The following NAT1 variants were observed in gnomAD, a reference collection of about 807,000 sequenced individuals.
NAT1 encodes N-acetyltransferase 1.
For missense variants in NAT1, 400 were observed against 339.2 expected, an observed-to-expected ratio of 1.18 and a Z score of -1.41; for synonymous variants, 144 against 122.6, an observed-to-expected ratio of 1.17 and a Z score of -1.16.
At chr8:18,173,156 A>G (rs1802161335) in intron 2 of NAT1, among the ~76,000 whole-genome samples, 1 of 151,706 alleles carries the variant, frequency 6.6e-6, no homozygotes, top group African/African-American at 2.4e-5. Flanking sequence ...GCACACACAC[A>G]CACACACACA....
In NAT1 at chr8:18,219,435, A is replaced by G. The variant is rs186784764; in HGVS notation, c.-61A>G. 19 of 1,550,324 alleles carry G rather than the reference A, an allele frequency of 1.2e-5. No homozygotes were observed. The Admixed American group carries it at 3.1e-4, about 26-fold the overall frequency. On this transcript the variant is annotated 5_prime_UTR_variant, in exon 2 of 3. Transcript: ENST00000307719. ...GAATTCAAGCCAGGAAGAAGCAGCA[A>G]TCTGTCTTCTGGATTAAAACTGAAG...
chr8:18,194,823 A>C (rs889322496), intron 2 of NAT1, among the ~76,000 whole-genome samples: 2 of 151,878 alleles, frequency 1.3e-5, no homozygotes, highest in East Asian at 3.9e-4. Context: ...TGTCTTAAAA[A>C]AAAAAAAAAA....
intron 2 of NAT1, among the ~76,000 whole-genome samples, chr8:18,204,163 T>TTC (rs111268683): frequency 0.11 from 17,063 of 148,636 alleles, 2,474 homozygotes; most frequent in African/African-American, 0.35. Flanking sequence ...TTGGATGTCT[T>TTC]TCTCTCTCTC....
Position 18,222,304 on chromosome 8 carries a change from C to A in NAT1, c.257C>A (p.Thr86Asn). Reference protein sequence around the residue: ...YWALTTIGFETTMLGGYVYST... With the variant: ...YWALTTIGFENTMLGGYVYST... ...GCTCTGACCACTATTGGTTTTGAGA[C>A]CACGATGTTGGGAGGGTATGTTTAC... The change falls in exon 3 of 3, where the codon ACC (threonine) becomes AAC (asparagine). Residue 86 changes from threonine (T) to asparagine (N), a missense_variant. Thr to Asn is a moderately conservative substitution (Grantham distance 65, BLOSUM62 0). Transcript: ENST00000307719. The A allele has an allele frequency of 1.2e-6, 2 of 1,614,028 alleles. No homozygotes were observed. Among genetic ancestry groups the A allele is most frequent in the Non-Finnish European group, 1.7e-6 (2 of 1,180,000 alleles).
chr8:18,209,386 T>A (rs28359476), upstream of NAT1, among the ~76,000 whole-genome samples: 169 of 152,372 alleles, frequency 1.1e-3, 3 homozygotes, highest in Admixed American at 0.01. Context: ...GTGCTAATTA[T>A]CATGATTTGA....
chr8:18,221,028 CT>C (rs1170601257), intron 2 of NAT1, among the ~76,000 whole-genome samples: 1 of 152,162 alleles, frequency 6.6e-6, no homozygotes, highest in African/African-American at 2.4e-5. Flanking sequence ...TCTCAGGCCT[CT>C]CTCATTTACA....
chr8:18,174,784 C>T (rs1654071169), intron 2 of NAT1, among the ~76,000 whole-genome samples: 2 of 152,082 alleles, frequency 1.3e-5, no homozygotes, highest in South Asian at 2.1e-4. Flanking sequence ...CAAACCTCAG[C>T]ACACAAGCCT....
intron 1 of NAT1, among the ~76,000 whole-genome samples, chr8:18,216,422 A>G (rs1184347584): frequency 6.6e-6 from 1 of 152,160 alleles, no homozygotes; most frequent in East Asian, 1.9e-4. Flanking sequence ...GCCACTTGAC[A>G]AGCTCGAGTC....
chr8:18,189,701 C>A (rs1315239553), intron 2 of NAT1, among the ~76,000 whole-genome samples: 1 of 152,196 alleles, frequency 6.6e-6, no homozygotes, highest in African/African-American at 2.4e-5. Context: ...GGGCTGGTTA[C>A]ACTGTGTTCC....
intron 1 of NAT1, among the ~76,000 whole-genome samples, chr8:18,217,591 GCC>G (rs1804813368): frequency 1.3e-5 from 2 of 152,164 alleles, no homozygotes; most frequent in Non-Finnish European, 2.9e-5. Context: ...CACATATATT[GCC>G]ATTCTTTCCA....
At chr8:18,182,139 T>C (rs75394288) in intron 2 of NAT1, among the ~76,000 whole-genome samples, 2,934 of 152,308 alleles carry the variant, frequency 0.019, 45 homozygotes, top group Non-Finnish European at 0.029. Flanking sequence ...CTTGTTATTA[T>C]GCTAAAACCA....
upstream of NAT1, among the ~76,000 whole-genome samples, chr8:18,206,246 G>A (rs1362181151): frequency 6.6e-6 from 1 of 152,204 alleles, no homozygotes; most frequent in Non-Finnish European, 1.5e-5. Flanking sequence ...CACCAGGTAT[G>A]CAGCAGACCC....
chr8:18,202,018 T>C (rs1803485486), intron 2 of NAT1, among the ~76,000 whole-genome samples: 1 of 152,252 alleles, frequency 6.6e-6, no homozygotes, highest in South Asian at 2.1e-4. Context: ...TTTGAAACTC[T>C]TTGTAAATAA....
chr8:18,222,405 A>T lies in NAT1; in HGVS notation c.358A>T (p.Ile120Phe), dbSNP rs769808211. Reference protein sequence around the residue: ...LQVTIDGRNYIVDAGFGRSYQ... With the variant: ...LQVTIDGRNYFVDAGFGRSYQ... ...GGTGACCATTGATGGCAGGAACTAC[A>T]TTGTCGATGCTGGGTTTGGACGCTC... Residue 120 changes from isoleucine to phenylalanine, a missense_variant, in exon 3 of 3, where the codon ATT (isoleucine) becomes TTT (phenylalanine). By Grantham distance (21) the Ile-to-Phe change is conservative. Transcript: ENST00000307719. 1.2e-6 allele frequency: 2 copies of T among 1,613,964 alleles called. No individual in the cohort carries two copies. The highest frequency in any genetic ancestry group is 1.7e-6 in the Non-Finnish European group (2 of 1,179,966).
At chr8:18,184,771 G>C (rs1015711910) in intron 2 of NAT1, among the ~76,000 whole-genome samples, 1 of 152,192 alleles carries the variant, frequency 6.6e-6, no homozygotes, top group Non-Finnish European at 1.5e-5. Context: ...GCTTTCAAGA[G>C]TGGGCTTTCT....
At chr8:18,182,399 G>A (rs187293437) in intron 2 of NAT1, among the ~76,000 whole-genome samples, 1 of 152,158 alleles carries the variant, frequency 6.6e-6, no homozygotes, top group Admixed American at 6.5e-5. Context: ...ATAGCCCAAG[G>A]TCATGAAGAT....
In NAT1 at chr8:18,219,447, G is replaced by C. The variant is rs1805055532; in HGVS notation, c.-49G>C. The C allele has an allele frequency of 6.5e-7, 1 of 1,550,162 alleles. No individual in the cohort carries two copies. The highest frequency in any genetic ancestry group is 2.0e-5 in the Admixed American group (1 of 50,748). ...GGAAGAAGCAGCAATCTGTCTTCTG[G>C]ATTAAAACTGAAGATCAACCTACTT... On this transcript the variant is annotated 5_prime_UTR_variant, in exon 2 of 3. Transcript: ENST00000307719.
intron 1 of NAT1, 129 bp downstream of exon 1, chr8:18,210,309 C>G (rs1431475300): frequency 6.6e-6 from 1 of 152,156 alleles, no homozygotes; most frequent in East Asian, 1.9e-4. Context: ...GTGGCTGGCA[C>G]ATACTTGGAA....
chr8:18,204,380 G>C (rs1423495401), intron 2 of NAT1, among the ~76,000 whole-genome samples: 5 of 152,152 alleles, frequency 3.3e-5, no homozygotes, highest in African/African-American at 1.2e-4. Flanking sequence ...AGTCAGTAAG[G>C]AGTGTGTCAT....
Sources: gnomAD v4.1 joint callset for allele counts (sites outside exome capture counted in the v4.1 genomes callset) on GRCh38, gnomAD v4.1.1 for gene constraint, MANE v1.5 for transcripts, NCBI Gene and HGNC (gene_info 2026-07-23, HGNC 2026-07-21) for gene names.